Variants in CLASP1 observed in about 807,000 individuals in gnomAD.
CLASP1 encodes cytoplasmic linker associated protein 1.
In CLASP1, 38 loss-of-function variants were observed where a neutral mutation model predicts 192.3. That is an observed-to-expected ratio of 0.20 (90% CI 0.15 to 0.26). The LOEUF (loss-of-function observed/expected upper bound fraction) is 0.26. CLASP1 is among the 10% of genes least tolerant of loss of function. The pLI is 1.00. For synonymous variants in CLASP1, 691 were observed against 712.8 expected (o/e 0.97, Z 0.49); for missense variants, 1,433 against 1,932.5 (o/e 0.74, Z 4.85).
At chr2:121,465,008 T>C (rs544448103) in intron 9 of CLASP1, among the ~76,000 whole-genome samples, 74 of 152,278 alleles carry the variant, frequency 4.9e-4, no homozygotes, top group Non-Finnish European at 9.6e-4. Flanking sequence ...TAGGTATTGA[T>C]GGGACGTATC....
chr2:121,470,789 A>G (rs1489877928), intron 8 of CLASP1: 25 of 313,284 alleles, frequency 8.0e-5, no homozygotes, highest in Non-Finnish European at 1.5e-4. Flanking sequence ...CATTTCTCCT[A>G]GAAGTTCAAA....
At chr2:121,553,887 T>C (rs2058272041) in intron 2 of CLASP1, among the ~76,000 whole-genome samples, 1 of 152,054 alleles carries the variant, frequency 6.6e-6, no homozygotes, top group East Asian at 1.9e-4. Context: ...TATGAATGGA[T>C]AAACAAAATG....
intron 5 of CLASP1, among the ~76,000 whole-genome samples, chr2:121,526,603 T>C (rs997937657): frequency 1.3e-5 from 2 of 152,188 alleles, no homozygotes; most frequent in African/African-American, 4.8e-5. Flanking sequence ...TGGCCAAATT[T>C]AATGGCACTG....
chr2:121,581,096 T>A (rs533639877), intron 2 of CLASP1, among the ~76,000 whole-genome samples: 3 of 152,100 alleles, frequency 2.0e-5, no homozygotes, highest in Non-Finnish European at 4.4e-5. Context: ...TGTGTGTCAT[T>A]TTGGTAATGG....
rs1020086717 is a variant in CLASP1, at chr2:121,596,594, T to C, written c.195+9107A>G. Among the ~76,000 whole-genome samples the C allele has an allele frequency of 4.6e-5, 7 of 152,288 alleles. No homozygotes were observed. The South Asian group carries it at 1.4e-3, about 32-fold the overall frequency. On this transcript the variant is annotated intron_variant, in intron 2 of 39. Transcript: ENST00000263710. The stretch of plus-strand genomic sequence containing the variant: ...TGATCTAGCGGTAACATGTGCTCTG[T>C]AAAGCAGCTTAGGAGAGACTACATC...
intron 6 of CLASP1, among the ~76,000 whole-genome samples, chr2:121,523,906 A>C (rs1158416312): frequency 1.3e-5 from 2 of 152,228 alleles, no homozygotes; most frequent in Non-Finnish European, 2.9e-5. Flanking sequence ...AAGAGGAAGA[A>C]GGGGAAATGG....
intron 2 of CLASP1, among the ~76,000 whole-genome samples, chr2:121,573,027 T>A (rs1476515424): frequency 6.6e-6 from 1 of 152,206 alleles, no homozygotes; most frequent in African/African-American, 2.4e-5. Flanking sequence ...TGGTACAATC[T>A]CAGCTCACTG....
chr2:121,339,130 A>ACC (rs1553442997), exon 40 of CLASP1: 35 of 118,054 alleles, frequency 3.0e-4, no homozygotes, highest in African/African-American at 1.4e-3. Context: ...CACACACAAC[A>ACC]CCACACACAC....
chr2:121,514,804 G>A (rs1461429908), intron 7 of CLASP1, among the ~76,000 whole-genome samples: 1 of 152,174 alleles, frequency 6.6e-6, no homozygotes, highest in Non-Finnish European at 1.5e-5. Flanking sequence ...AAACTCTTTT[G>A]TGAAACAGGA....
chr2:121,457,546 T>C (rs1259377970), intron 14 of CLASP1, 141 bp downstream of exon 14: 2 of 645,742 alleles, frequency 3.1e-6, no homozygotes, highest in Admixed American at 5.9e-5. Context: ...TCTTGATTCT[T>C]CAACTCAAAG....
chr2:121,535,582 G>A (rs1203526399), intron 2 of CLASP1, among the ~76,000 whole-genome samples: 2 of 151,222 alleles, frequency 1.3e-5, no homozygotes, highest in Non-Finnish European at 2.9e-5. Context: ...AAAACATCAA[G>A]TTTAAATGGA....
At chr2:121,348,983 G>C (rs930414974) in intron 37 of CLASP1, among the ~76,000 whole-genome samples, 1 of 152,142 alleles carries the variant, frequency 6.6e-6, no homozygotes, top group African/African-American at 2.4e-5. Context: ...GCTCACACCT[G>C]TAATCCCAGA....
rs947552781 is a variant in CLASP1 at position 121,451,897 on chromosome 2, A to G, written c.1386-48T>C. 3 of 1,369,348 alleles carry G rather than the reference A, an allele frequency of 2.2e-6. No homozygotes were observed. The African/African-American group carries it at 4.3e-5, about 20-fold the overall frequency. The allele number at this position is 1,369,348 out of a possible 1,614,324, so 84.8% of individuals were successfully genotyped here. A position where few individuals can be genotyped will look rare whatever the true frequency, so the allele number is the denominator to read the frequency against. On this transcript the variant is annotated intron_variant, in intron 14 of 39. Coordinates refer to ENST00000263710, the Ensembl canonical transcript of CLASP1. ...CAACTTATTAATACATATTTTAGTG[A>G]AAATGAAAACGGCATTTTTCTTAAG...
intron 2 of CLASP1, among the ~76,000 whole-genome samples, chr2:121,601,303 T>C (rs1374861683): frequency 6.6e-6 from 1 of 151,260 alleles, no homozygotes; most frequent in Non-Finnish European, 1.5e-5. Context: ...GATGGAGTCT[T>C]GCTCTGTCGC....
chr2:121,486,764 C>A (rs936141437), intron 8 of CLASP1, among the ~76,000 whole-genome samples: 4 of 152,140 alleles, frequency 2.6e-5, no homozygotes, highest in Non-Finnish European at 5.9e-5. Context: ...TGCAAATAAT[C>A]CTTCAAATCT....
chr2:121,469,400 G>T (rs957139327), intron 9 of CLASP1, among the ~76,000 whole-genome samples: 1 of 152,146 alleles, frequency 6.6e-6, no homozygotes, highest in African/African-American at 2.4e-5. Context: ...TTAAAGACAG[G>T]AGTTACAGTG....
At chr2:121,501,474 C>T (rs114551713) in intron 8 of CLASP1, among the ~76,000 whole-genome samples, 6 of 152,194 alleles carry the variant, frequency 3.9e-5, no homozygotes, top group African/African-American at 1.4e-4. Context: ...GAGAAAATTA[C>T]ACCATAGTTA....
chr2:121,368,518 C>A (rs1327306408), intron 34 of CLASP1, among the ~76,000 whole-genome samples: 1 of 152,086 alleles, frequency 6.6e-6, no homozygotes, highest in Non-Finnish European at 1.5e-5. Context: ...TCTGACTGGG[C>A]CCTTGACATG....
chr2:121,431,779 C>A (rs1158875148), intron 19 of CLASP1, among the ~76,000 whole-genome samples: 1 of 148,902 alleles, frequency 6.7e-6, no homozygotes, highest in African/African-American at 2.5e-5. Flanking sequence ...CATGTTTTCA[C>A]AACCAATAAC....
Sources: allele counts gnomAD v4.1 joint callset (sites outside exome capture counted in the v4.1 genomes callset), GRCh38; gene constraint gnomAD v4.1.1; transcripts MANE v1.5; gene names NCBI Gene and HGNC (gene_info 2026-07-23, HGNC 2026-07-21).